EPS15L1: variants seen among roughly 807,000 people sequenced by gnomAD.
EPS15L1 encodes the protein epidermal growth factor receptor substrate 15-like 1.
In EPS15L1, 43 loss-of-function variants were observed where a neutral mutation model predicts 117.1. The ratio of observed to expected loss-of-function variants is 0.37; its 90% CI spans 0.29 to 0.47. The LOEUF is 0.47. EPS15L1 is among the 20% of genes least tolerant of loss of function. The probability of loss-of-function intolerance (pLI) is 0.99; values close to 1 mark genes in which losing one functional copy is unlikely to be tolerated. For missense variants in EPS15L1, 981 were observed against 1,164.0 expected, an observed-to-expected ratio of 0.84 and a Z score of 2.29; for synonymous variants, 459 against 470.5, an observed-to-expected ratio of 0.98 and a Z score of 0.32.
chr19:16,387,665 C>T (rs1374671322), intron 19 of EPS15L1, among the ~76,000 whole-genome samples: 2 of 152,094 alleles, frequency 1.3e-5, no homozygotes, highest in Non-Finnish European at 2.9e-5. Context: ...ACTCAGGAGG[C>T]TAAGGCAGAA....
intron 9 of EPS15L1, among the ~76,000 whole-genome samples, chr19:16,422,500 A>C (rs1334681685): frequency 1.3e-5 from 2 of 152,058 alleles, no homozygotes; most frequent in African/African-American, 4.8e-5. Flanking sequence ...AATTATCTAG[A>C]TGATGAGGGA....
intron 21 of EPS15L1, among the ~76,000 whole-genome samples, chr19:16,378,088 G>T (rs934803314): frequency 6.6e-6 from 1 of 152,068 alleles, no homozygotes; most frequent in African/African-American, 2.4e-5. Flanking sequence ...CATATATGTG[G>T]ATTAATGGAC....
chr19:16,366,013 G>A (rs796494743), intron 22 of EPS15L1, among the ~76,000 whole-genome samples: 17 of 152,322 alleles, frequency 1.1e-4, no homozygotes, highest in African/African-American at 4.1e-4. Context: ...CTGGTTTGCA[G>A]GAAACAGCAA....
At chr19:16,426,178 T>C (rs558520467) in intron 8 of EPS15L1, among the ~76,000 whole-genome samples, 44 of 152,282 alleles carry the variant, frequency 2.9e-4, no homozygotes, top group African/African-American at 1.0e-3. Flanking sequence ...TAAGAAGACA[T>C]GTTGACATCA....
At position 16,432,200 on chromosome 19, in the gene EPS15L1, G is replaced by A. The variant is rs532694246; in HGVS notation, c.498+2165C>T. Among the ~76,000 whole-genome samples the A allele has an allele frequency of 2.0e-4, 30 of 152,070 alleles. No homozygotes were observed. The East Asian group carries it at 5.6e-3, about 28-fold the overall frequency. On this transcript the variant is annotated intron_variant, in intron 7 of 23. Coordinates refer to ENST00000455140, the MANE Select transcript of EPS15L1 (RefSeq NM_001258374.3). ...TGTAATCCTTGCACTTTGGGAGGCC[G>A]AGGCAGGTGGATCACCTGAGGTCAG... is the stretch of plus-strand genomic sequence containing the variant.
rs2144676633 is a variant in EPS15L1 at position 16,371,795 on chromosome 19, A to G, written c.2380+5327T>C. On this transcript the variant is annotated intron_variant, in intron 22 of 23. Coordinates refer to ENST00000455140, the MANE Select transcript of EPS15L1 (RefSeq NM_001258374.3). This position sits in a 1 kb window ranked among gnomAD's most constrained non-coding sequence, Gnocchi z 4.7. Reference sequence around the variant, plus strand: ...AAATCTGTTTCTCTCTTTGCAAATCAACAACTTTTACCTAGAAACTCTTCA... The same window carrying G: ...AAATCTGTTTCTCTCTTTGCAAATCGACAACTTTTACCTAGAAACTCTTCA... 6.6e-6 allele frequency among the ~76,000 whole-genome samples: 1 copy of G among 152,298 alleles called. No individual in the cohort carries two copies. The highest frequency in any genetic ancestry group is 1.9e-4 in the East Asian group (1 of 5,170).
chr19:16,417,270 C>T (rs751371626), intron 12 of EPS15L1, among the ~76,000 whole-genome samples: 31 of 151,348 alleles, frequency 2.0e-4, no homozygotes, highest in Non-Finnish European at 2.9e-4. Context: ...GCTCTGCCCA[C>T]GACCTGCCTG....
chr19:16,439,163 AG>A (rs1469058800), intron 4 of EPS15L1, among the ~76,000 whole-genome samples: 1 of 151,726 alleles, frequency 6.6e-6, no homozygotes, highest in East Asian at 1.9e-4. Flanking sequence ...GTCTTCAAAG[AG>A]GTAAGTGCTA....
rs1380654722 is a variant in EPS15L1 at position 16,441,974 on chromosome 19, G to A, written c.83C>T (p.Pro28Leu). Reference protein sequence around the residue: ...LYESYYKQVDPAYTGRVGASE... With the variant: ...LYESYYKQVDLAYTGRVGASE... ...CGCCCCCACCCTCCCTGTGTATGCC[G>A]GATCGACCTGAAATGGGAGACCAAG... The change falls in exon 3 of 24, where the codon CCG becomes CTG. Residue 28 changes from proline to leucine, a missense_variant. Pro to Leu is a moderately conservative substitution (Grantham distance 98). This residue lies in a region of EPS15L1 where 62 missense variants were observed against 104.2 expected (regional missense o/e 0.59). Coordinates refer to ENST00000455140, the MANE Select transcript of EPS15L1 (RefSeq NM_001258374.3). The A allele has an allele frequency of 5.0e-6, 8 of 1,612,322 alleles. No individual in the cohort carries two copies. The highest frequency in any genetic ancestry group is 2.2e-5 in the East Asian group (1 of 44,844).
chr19:16,417,201 A>G (rs1159617410), intron 12 of EPS15L1, among the ~76,000 whole-genome samples: 1 of 151,664 alleles, frequency 6.6e-6, no homozygotes, highest in Non-Finnish European at 1.5e-5. Context: ...CCTGCCTGGG[A>G]CCACACAGCT....
At chr19:16,457,864 T>TG (rs2093211947) in intron 1 of EPS15L1, among the ~76,000 whole-genome samples, 3 of 150,598 alleles carry the variant, frequency 2.0e-5, no homozygotes, top group East Asian at 2.0e-4. Flanking sequence ...CACCCAAGAC[T>TG]GGGGGGGAGG....
intron 16 of EPS15L1, among the ~76,000 whole-genome samples, chr19:16,397,063 G>T (rs2092548027): frequency 6.6e-6 from 1 of 152,026 alleles, no homozygotes; most frequent in Non-Finnish European, 1.5e-5. Flanking sequence ...CAGTGAAGAT[G>T]GTCAAGTTTA....
chr19:16,424,773 G>A (rs1265631409), intron 9 of EPS15L1, among the ~76,000 whole-genome samples: 2 of 151,998 alleles, frequency 1.3e-5, no homozygotes, highest in Non-Finnish European at 2.9e-5. Flanking sequence ...CAATTCTCCT[G>A]CCTCAGCCTC....
chr19:16,443,455 T>A (rs2093052012), intron 1 of EPS15L1: 1 of 152,248 alleles, frequency 6.6e-6, no homozygotes, highest in Non-Finnish European at 1.5e-5. Flanking sequence ...ACGCCTATAA[T>A]CCCAGTACTT....
chr19:16,459,186 G>A (rs2093225127), intron 1 of EPS15L1, among the ~76,000 whole-genome samples: 1 of 152,224 alleles, frequency 6.6e-6, no homozygotes, highest in Non-Finnish European at 1.5e-5. Flanking sequence ...GTTATGCGGT[G>A]CGTGACTGCA....
In EPS15L1 at chr19:16,395,259, C is replaced by T. The variant is rs2092527867; in HGVS notation, c.1915+85G>A. 3 of 1,333,090 alleles carry T rather than the reference C, an allele frequency of 2.3e-6. No individual in the cohort carries two copies. The Admixed American group carries it at 6.3e-5, about 28-fold the overall frequency. The allele number at this position is 1,333,090 out of a possible 1,614,324, so 82.6% of individuals were successfully genotyped here. On this transcript the variant is annotated intron_variant, in intron 17 of 23. Transcript: ENST00000455140. ...CCTCCATTTCAGATTGTGGCATGTC[C>T]TTACTTTTCTAGTTGAAGAACCACT...
Position 16,392,438 on chromosome 19 carries a change from G to A in EPS15L1, c.1969C>T (p.Pro657Ser), listed in dbSNP as rs1417611494. Reference protein sequence around the residue: ...FAEQQTTSTDPFGGDPFKESD... With the variant: ...FAEQQTTSTDSFGGDPFKESD... ...TCTTTGAAAGGGTCCCCTCCAAATG[G>A]ATCTAGAAGGAAAAATGCCCCATAA... Residue 657 changes from proline (P) to serine (S), a missense_variant and splice_region_variant, in exon 19 of 24, where the codon CCA becomes TCA. Around this residue, in one of 5 missense-constraint regions of EPS15L1, gnomAD observed 819 missense variants for 949.0 expected, o/e 0.86. Coordinates refer to ENST00000455140, the MANE Select transcript of EPS15L1 (RefSeq NM_001258374.3). 1.9e-6 allele frequency: 3 copies of A among 1,613,980 alleles called. No homozygotes were observed. The highest frequency in any genetic ancestry group is 2.5e-6 in the Non-Finnish European group (3 of 1,179,884).
intron 16 of EPS15L1, chr19:16,402,114 G>A (rs1379300906): frequency 7.4e-7 from 1 of 1,350,362 alleles, no homozygotes; most frequent in Non-Finnish European, 9.5e-7. Flanking sequence ...CTTGGACTTT[G>A]TTCTGGAAGC....
chr19:16,428,345 G>A (rs1416965989), intron 8 of EPS15L1, among the ~76,000 whole-genome samples: 1 of 151,120 alleles, frequency 6.6e-6, no homozygotes, highest in African/African-American at 2.4e-5. Context: ...CTGAATGCCA[G>A]CCTGGCGATA....
Sources: allele counts gnomAD v4.1 joint callset (sites outside exome capture counted in the v4.1 genomes callset), GRCh38; gene constraint gnomAD v4.1.1; regional missense constraint gnomAD v4.1.1; non-coding constraint Gnocchi (gnomAD v3.1); transcripts MANE v1.5; gene names NCBI Gene and HGNC (gene_info 2026-07-23, HGNC 2026-07-21).